PDCD7: variants seen among roughly 807,000 people sequenced by gnomAD.
PDCD7 encodes the protein programmed cell death 7, also known as programmed cell death protein 7.
A neutral mutation model predicts 42.1 loss-of-function variants in PDCD7; 40 were observed. The ratio of observed to expected loss-of-function variants is 0.95; its 90% CI spans 0.74 to 1.24. The LOEUF is 1.24. Among genes scored for constraint, PDCD7 ranks in the 50% most tolerant of loss-of-function variants. PDCD7 has a pLI of 0.00. For missense variants in PDCD7, 644 were observed against 662.8 expected (o/e 0.97, Z 0.31); for synonymous variants, 299 against 303.3 (o/e 0.99, Z 0.15).
intron 1 of PDCD7, among the ~76,000 whole-genome samples, chr15:65,131,621 T>C (rs1169069091): frequency 1.3e-5 from 2 of 152,022 alleles, no homozygotes; most frequent in East Asian, 3.9e-4. Context: ...TAGTGGTGCA[T>C]GCCTGTAATC....
intron 4 of PDCD7, 165 bp from the exon 5 acceptor site, chr15:65,119,005 C>T (rs1290606168): frequency 2.6e-5 from 13 of 500,110 alleles, no homozygotes; most frequent in Non-Finnish European, 4.3e-5. Flanking sequence ...CTTAAATGTA[C>T]ATATAAAAAG....
chr15:65,129,091 T>G lies in PDCD7; in HGVS notation c.950A>C (p.Asp317Ala). 1 of 1,613,854 alleles carries G rather than the reference T, an allele frequency of 6.2e-7. No individual in the cohort carries two copies. The highest frequency in any genetic ancestry group is 8.5e-7 in the Non-Finnish European group (1 of 1,179,716). Residue 317 changes from aspartate to alanine, a missense_variant, in exon 2 of 5, where the codon GAC becomes GCC. Physicochemically the swap from Asp to Ala is moderately radical, Grantham distance 126 (BLOSUM62 -2). Transcript: ENST00000204549. ...CAATTTCTCCAAAGCCCGTAGAATG[T>G]CCACCATTCTTTTGGTATCTGCTTG... ...KKQADTKRMV[D>A]ILRALEKLRK...
rs1038059606 is a variant in PDCD7, at chr15:65,129,981, T to C, written c.871-811A>G. ...TTCTGTTGCCCAGGCTGGAGTGTAG[T>C]GGTGTGATCACAGCATCACCATGCC... On this transcript the variant is annotated intron_variant, in intron 1 of 4. Coordinates refer to ENST00000204549, the MANE Select transcript of PDCD7 (RefSeq NM_005707.2). 2.8e-5 allele frequency among the ~76,000 whole-genome samples: 4 copies of C among 141,616 alleles called. No homozygotes were observed. In the Admixed American group the frequency reaches 3.0e-4, roughly 11 times the overall value. 92.9% of individuals were successfully genotyped at this position (141,616 alleles called of 152,430 possible).
intron 1 of PDCD7, among the ~76,000 whole-genome samples, chr15:65,131,913 A>C (rs74021621): frequency 0.041 from 6,204 of 151,998 alleles, 428 homozygotes; most frequent in African/African-American, 0.14. Context: ...TTGGCAAGTT[A>C]ACCTCTCTAT....
intron 2 of PDCD7, among the ~76,000 whole-genome samples, chr15:65,127,191 C>T (rs1360212582): frequency 2.6e-5 from 4 of 152,132 alleles, no homozygotes; most frequent in African/African-American, 9.7e-5. Flanking sequence ...GGCGTGGTGG[C>T]TCACGCCTGT....
chr15:65,133,268 C>A lies in PDCD7; in HGVS notation c.514G>T (p.Gly172Cys). ...PQRTHAGPSL[G>C]EVRARLLRAL... ...CGGAGCAATCGCGCGCGCACTTCGC[C>A]AAGGCTGGGCCCGGCATGCGTGCGC... Residue 172 changes from glycine (G) to cysteine (C), a missense_variant, in exon 1 of 5, where the codon GGC (glycine) becomes TGC (cysteine). Physicochemically the swap from Gly to Cys is radical, Grantham distance 159. Transcript: ENST00000204549. The A allele has an allele frequency of 7.5e-7, 1 of 1,332,986 alleles. No homozygotes were observed. Among genetic ancestry groups the A allele is most frequent in the South Asian group, 2.0e-5 (1 of 49,018 alleles). 82.6% of individuals were successfully genotyped at this position (1,332,986 alleles called of 1,614,324 possible). A position where few individuals can be genotyped will look rare whatever the true frequency, so the allele number is the denominator to read the frequency against.
intron 2 of PDCD7, among the ~76,000 whole-genome samples, chr15:65,125,496 T>C (rs557106213): frequency 1.3e-5 from 2 of 152,192 alleles, no homozygotes; most frequent in Non-Finnish European, 2.9e-5. Flanking sequence ...TAACCAACTG[T>C]AGTCTGGCTT....
In PDCD7 at chr15:65,132,953, A is replaced by T. The variant is rs755332081; in HGVS notation, c.829T>A (p.Trp277Arg). The change falls in exon 1 of 5, where the codon TGG becomes AGG. Residue 277 changes from tryptophan (W) to arginine (R), a missense_variant. Trp to Arg is a moderately radical substitution (Grantham distance 101, BLOSUM62 -3). Coordinates refer to ENST00000204549, the MANE Select transcript of PDCD7 (RefSeq NM_005707.2). ...ACCTCCTGCACACACTTCACCCTCC[A>T]GCGGTCAATCTCCTGCTCGCGTTCC... ...AVEREQEIDRWRVKCVQEVEE... is the reference protein window; with the variant it reads ...AVEREQEIDRRRVKCVQEVEE... The T allele has an allele frequency of 1.2e-6, 2 of 1,606,318 alleles. No homozygotes were observed. The highest frequency in any genetic ancestry group is 4.5e-5 in the East Asian group (2 of 44,860).
In PDCD7 at chr15:65,118,728, TA is replaced by T. The variant is rs1186724600; in HGVS notation, c.1446del (p.Lys483SerfsTer20). ...LPSNDIWATA[V>X]KLH is the part of the protein sequence containing the mutation. ...CTGGAGCATCTTTACTAATGCAGCT[TA>T]ACAGCAGTTGCCCAGATGTCGTTGC... On this transcript the variant is annotated frameshift_variant, in exon 5 of 5. Coordinates refer to ENST00000204549, the MANE Select transcript of PDCD7 (RefSeq NM_005707.2). LOFTEE classifies it high-confidence loss of function. 1 of 1,607,102 alleles carries T rather than the reference TA, an allele frequency of 6.2e-7. No individual in the cohort carries two copies.
rs1206704559 is a variant in PDCD7, at chr15:65,133,096, G to A, written c.686C>T (p.Ala229Val). 6.4e-7 allele frequency: 1 copy of A among 1,561,140 alleles called. No individual in the cohort carries two copies. Among genetic ancestry groups the A allele is most frequent in the Non-Finnish European group, 8.6e-7 (1 of 1,160,430 alleles). Residue 229 changes from alanine (A) to valine (V), a missense_variant, in exon 1 of 5, where the codon GCT (alanine) becomes GTT (valine). Physicochemically the swap from Ala to Val is moderately conservative, Grantham distance 64. Transcript: ENST00000204549. ...CCTCCGCGCCTCGCCCACATAGGCA[G>A]CCTGGGTCAACGGCTGTAGCCGCTC... The part of the protein sequence containing the change: ...LAERLQPLTQ[A>V]AYVGEARRRL...
chr15:65,131,154 C>T (rs890578723), intron 1 of PDCD7, among the ~76,000 whole-genome samples: 13 of 152,278 alleles, frequency 8.5e-5, no homozygotes, highest in African/African-American at 2.6e-4. Flanking sequence ...ACCTGAGCTC[C>T]GCCTCCTGTC....
intron 1 of PDCD7, 26 bp downstream of exon 1, chr15:65,132,885 AC>A: frequency 1.3e-6 from 2 of 1,599,518 alleles, no homozygotes; most frequent in Non-Finnish European, 1.7e-6. Context: ...CACCACTCCT[AC>A]CCCCATGAGC....
intron 2 of PDCD7, among the ~76,000 whole-genome samples, chr15:65,120,182 C>A (rs2087442051): frequency 6.6e-6 from 1 of 151,952 alleles, no homozygotes; most frequent in African/African-American, 2.4e-5. Flanking sequence ...CAGATAGGGT[C>A]TCACTCTGTT....
chr15:65,127,451 G>A (rs1055636797), intron 2 of PDCD7, among the ~76,000 whole-genome samples: 2 of 140,608 alleles, frequency 1.4e-5, no homozygotes, highest in Non-Finnish European at 3.0e-5. Flanking sequence ...GCGACAGAGC[G>A]AGACTCCGTC....
Position 65,119,801 on chromosome 15 carries a change from T to A in PDCD7, c.1163A>T (p.Glu388Val), listed in dbSNP as rs145610358. Residue 388 changes from glutamate (E) to valine (V), a missense_variant, in exon 3 of 5, where the codon GAA becomes GTA. By Grantham distance (121) the Glu-to-Val change is moderately radical. Coordinates refer to ENST00000204549, the MANE Select transcript of PDCD7 (RefSeq NM_005707.2). ...TTCTTTTCTTTGTTTCTTTTCTAAT[T>A]CTCTTTTCCTCTCTTCCTCTTGTTC... The part of the protein sequence containing the change: ...EGEQEEERKR[E>V]LEKKQRKEKE... 1 of 1,612,882 alleles carries A rather than the reference T, an allele frequency of 6.2e-7. No individual in the cohort carries two copies. The highest frequency in any genetic ancestry group is 8.5e-7 in the Non-Finnish European group (1 of 1,179,440).
At chr15:65,119,628 G>T in intron 3 of PDCD7, 90 bp downstream of exon 3, 1 of 1,386,148 alleles carries the variant, frequency 7.2e-7, no homozygotes, top group Non-Finnish European at 1.0e-6. Flanking sequence ...GTCATTTGTT[G>T]CCTACCACCT....
chr15:65,121,869 A>T (rs2087457460), intron 2 of PDCD7, among the ~76,000 whole-genome samples: 1 of 152,226 alleles, frequency 6.6e-6, no homozygotes, highest in Non-Finnish European at 1.5e-5. Context: ...TAAGAAAAAA[A>T]GATTTTAACT....
intron 2 of PDCD7, among the ~76,000 whole-genome samples, chr15:65,123,004 A>G (rs899949375): frequency 7.4e-5 from 11 of 148,008 alleles, no homozygotes; most frequent in Admixed American, 2.7e-4. Context: ...CTCTGTCTCA[A>G]AAAAAAAAAA....
chr15:65,125,492 A>T (rs926558586), intron 2 of PDCD7, among the ~76,000 whole-genome samples: 1 of 152,018 alleles, frequency 6.6e-6, no homozygotes, highest in Non-Finnish European at 1.5e-5. Context: ...TCTCTAACCA[A>T]CTGTAGTCTG....
Sources: allele counts gnomAD v4.1 joint callset (sites outside exome capture counted in the v4.1 genomes callset), GRCh38; gene constraint gnomAD v4.1.1; transcripts MANE v1.5; gene names NCBI Gene and HGNC (gene_info 2026-07-23, HGNC 2026-07-21).